Variants in F13A1 observed in about 807,000 individuals in gnomAD.
F13A1 encodes FSF, A subunit.
Under a neutral mutation model 80.1 loss-of-function variants are expected in F13A1, and 47 were observed. That is an observed-to-expected ratio of 0.59 (90% CI 0.46 to 0.75). The LOEUF is 0.75. Ranked by LOEUF, F13A1 falls within the 30% of genes least tolerant of loss-of-function variation. The pLI, the probability that F13A1 is intolerant of heterozygous loss-of-function variation, is 0.00. For missense variants in F13A1, 817 were observed against 930.4 expected (o/e 0.88, Z 1.59); for synonymous variants, 349 against 344.9 (o/e 1.01, Z -0.13).
At chr6:6,161,073 A>G (rs1471932999) in intron 13 of F13A1, among the ~76,000 whole-genome samples, 2 of 152,186 alleles carry the variant, frequency 1.3e-5, no homozygotes, top group Admixed American at 1.3e-4. Flanking sequence ...GCTGCTTTAG[A>G]ATGGCAGGTA....
At chr6:6,154,554 G>A (rs1760441603) in intron 13 of F13A1, among the ~76,000 whole-genome samples, 1 of 152,212 alleles carries the variant, frequency 6.6e-6, no homozygotes, top group African/African-American at 2.4e-5. Context: ...AGTGTCTCCA[G>A]CAATTGCCAA....
At chr6:6,175,919 C>T (rs761020063) in intron 11 of F13A1, among the ~76,000 whole-genome samples, 2 of 152,222 alleles carry the variant, frequency 1.3e-5, no homozygotes, top group Non-Finnish European at 2.9e-5. Context: ...AATACAGATA[C>T]AAGTCAGGCC....
chr6:6,235,010 T>A (rs1242886037), intron 6 of F13A1, among the ~76,000 whole-genome samples: 1 of 152,028 alleles, frequency 6.6e-6, no homozygotes, highest in Non-Finnish European at 1.5e-5. Context: ...TAATTTGTGA[T>A]AAAGTTGCAA....
chr6:6,182,478 C>T (rs544156353), intron 10 of F13A1, among the ~76,000 whole-genome samples: 4 of 152,278 alleles, frequency 2.6e-5, no homozygotes, highest in Non-Finnish European at 1.5e-5. Flanking sequence ...GCTTGCTTCC[C>T]TGGACTTCTT....
chr6:6,192,114 G>C (rs975558800), intron 10 of F13A1, among the ~76,000 whole-genome samples: 4 of 152,230 alleles, frequency 2.6e-5, no homozygotes, highest in Admixed American at 1.3e-4. Context: ...AAGAGGATGT[G>C]TGGATGCTTT....
rs1192923840 is a variant in F13A1 at position 6,266,721 on chromosome 6, G to A, written c.408C>T (p.Val136=). Residue 136 remains valine (V), a synonymous_variant, in exon 4 of 15, where the codon GTC becomes GTT. Transcript: ENST00000264870. The part of the protein sequence containing the change: ...LQSGKWGAKI[V]MREDRSVRLS... ...GCCGCACAGACCTGTCCTCTCTCATGACAATCTTGGCCCCCCACTTTCCAC... is the reference window on the plus strand; with the variant it reads ...GCCGCACAGACCTGTCCTCTCTCATAACAATCTTGGCCCCCCACTTTCCAC... 1.9e-6 allele frequency: 3 copies of A among 1,614,170 alleles called. No homozygotes were observed. The South Asian group carries it at 3.3e-5, about 18-fold the overall frequency.
At chr6:6,305,154 G>C in intron 3 of F13A1, 197 bp downstream of exon 3, 2 of 655,900 alleles carry the variant, frequency 3.0e-6, no homozygotes, top group Non-Finnish European at 5.5e-6. Flanking sequence ...TTTTCTCCTT[G>C]GGTGGGCCCA....
At chr6:6,265,358 A>G (rs1561672780) in intron 4 of F13A1, among the ~76,000 whole-genome samples, 1 of 152,168 alleles carries the variant, frequency 6.6e-6, no homozygotes, top group Non-Finnish European at 1.5e-5. Flanking sequence ...CATATCTTTC[A>G]CTGCCTTATT....
Position 6,224,771 on chromosome 6 carries a change from G to A in F13A1, c.888C>T (p.Ser296=), listed in dbSNP as rs778181928. The change falls in exon 7 of 15, where the codon AGC becomes AGT. Residue 296 remains serine (S), a synonymous_variant. Transcript: ENST00000264870. ...TCCGGTATTCCAATAGAATGTCAAC[G>A]CTTCCAGTCCAGGCCGATGGGGGGA... ...YGVPPSAWTG[S]VDILLEYRSS... is the part of the protein sequence containing the mutation. 11 of 1,613,972 alleles carry A rather than the reference G, an allele frequency of 6.8e-6. No individual in the cohort carries two copies. In the Admixed American group the frequency reaches 1.3e-4, roughly 20 times the overall value.
At chr6:6,197,193 C>A (rs768632061) in intron 9 of F13A1, 30 bp downstream of exon 9, 51 of 1,601,034 alleles carry the variant, frequency 3.2e-5, no homozygotes, top group Non-Finnish European at 5.1e-6. Flanking sequence ...AGCAATGAAG[C>A]AAGTTCCCAG....
At position 6,151,941 on chromosome 6, in the gene F13A1, G is replaced by T. The variant is rs1760386290; in HGVS notation, c.1917C>A (p.Gly639=). ...TIPEIIIKVR[G]TQVVGSDMTV... ...TCATGTCAGAACCAACTACCTGAGT[G>T]CCACGGACCTAAGAGAGAGAATGCA... Residue 639 remains glycine (G), a synonymous_variant, in exon 14 of 15, where the codon GGC becomes GGA. Coordinates refer to ENST00000264870, the MANE Select transcript of F13A1 (RefSeq NM_000129.4). The T allele has an allele frequency of 6.2e-7, 1 of 1,613,874 alleles. No homozygotes were observed. The highest frequency in any genetic ancestry group is 1.7e-5 in the Admixed American group (1 of 59,966).
chr6:6,174,663 G>A lies in F13A1; in HGVS notation c.1664C>T (p.Ser555Leu), dbSNP rs201203914. The change falls in exon 12 of 15, where the codon TCA (serine) becomes TTA (leucine). Residue 555 changes from serine to leucine, a missense_variant. Transcript: ENST00000264870. ...HNRYTITAYL[S>L]ANITFYTGVP... ...CCCGGTGTAGAAGGTGATGTTGGCT[G>A]AGAGATAAGCTGTGATGGTGTAACG... 2 of 1,614,180 alleles carry A rather than the reference G, an allele frequency of 1.2e-6. No individual in the cohort carries two copies. The highest frequency in any genetic ancestry group is 4.5e-5 in the East Asian group (2 of 44,874).
intron 6 of F13A1, among the ~76,000 whole-genome samples, chr6:6,238,512 G>GA (rs1210515694): frequency 4.6e-5 from 7 of 151,914 alleles, no homozygotes; most frequent in Non-Finnish European, 8.8e-5. Context: ...AAAGAACAAT[G>GA]AAAAAATTTG....
At chr6:6,167,315 T>A (rs1333485405) in intron 13 of F13A1, 143 bp downstream of exon 13, 23 of 962,348 alleles carry the variant, frequency 2.4e-5, no homozygotes, top group Non-Finnish European at 1.6e-6. Flanking sequence ...AAGAGGATCC[T>A]AGCACTGGTA....
intron 8 of F13A1, among the ~76,000 whole-genome samples, chr6:6,199,816 G>C (rs377758625): frequency 2.0e-5 from 3 of 152,122 alleles, no homozygotes; most frequent in Admixed American, 2.0e-4. Flanking sequence ...AGTCCTCCCC[G>C]GCTGTCCCCC....
chr6:6,197,805 C>G (rs3024433), intron 8 of F13A1, among the ~76,000 whole-genome samples: 2,018 of 152,258 alleles, frequency 0.013, 47 homozygotes, highest in African/African-American at 0.046. Context: ...TGGGCAGATT[C>G]ATTCTCATTG....
rs113666487 is a variant in F13A1 at position 6,199,456 on chromosome 6, G to A, written c.1113-2130C>T. On this transcript the variant is annotated intron_variant, in intron 8 of 14. Coordinates refer to ENST00000264870, the MANE Select transcript of F13A1 (RefSeq NM_000129.4). The stretch of plus-strand genomic sequence containing the variant: ...AGTAGTGAGCTGAGATCACCCCACC[G>A]CACTCCAGCCTGGTCGACAGAGCGA... Among the ~76,000 whole-genome samples, 400 of 150,576 alleles carry A rather than the reference G, an allele frequency of 2.7e-3. 1 individual carries two copies. Among genetic ancestry groups the A allele is most frequent in the African/African-American group, 7.7e-3 (315 of 40,876 alleles).
chr6:6,172,065 C>T (rs900655193), intron 12 of F13A1, among the ~76,000 whole-genome samples: 5 of 152,156 alleles, frequency 3.3e-5, no homozygotes, highest in Non-Finnish European at 7.3e-5. Flanking sequence ...ATCAGAAATT[C>T]AGTAAGAATA....
intron 2 of F13A1, 159 bp from the exon 3 acceptor site, chr6:6,305,698 G>C: frequency 1.5e-6 from 1 of 682,044 alleles, no homozygotes; most frequent in Non-Finnish European, 2.5e-6. Context: ...AGTCTCGAGA[G>C]TCAGCCTCTT....
Sources: allele counts gnomAD v4.1 joint callset (sites outside exome capture counted in the v4.1 genomes callset), GRCh38; gene constraint gnomAD v4.1.1; transcripts MANE v1.5; gene names NCBI Gene and HGNC (gene_info 2026-07-23, HGNC 2026-07-21).